The following SVEP1 variants were observed in gnomAD, a reference collection of about 807,000 sequenced individuals.
SVEP1 encodes sushi, von Willebrand factor type A, EGF and pentraxin domain containing 1, also known as sushi, von Willebrand factor type A, EGF and pentraxin domain-containing protein 1.
Under a neutral mutation model 367.3 loss-of-function variants are expected in SVEP1, and 164 were observed. The ratio of observed to expected loss-of-function variants is 0.45; its 90% CI spans 0.39 to 0.51. SVEP1 has a LOEUF of 0.51. Ranked by LOEUF, SVEP1 falls within the 20% of genes least tolerant of loss-of-function variation. The pLI, the probability that SVEP1 is intolerant of heterozygous loss-of-function variation, is 0.00. For missense variants in SVEP1, 4,117 were observed against 4,425.3 expected (o/e 0.93, Z 1.98); for synonymous variants, 1,666 against 1,611.6 (o/e 1.03, Z -0.81).
Position 110,375,392 on chromosome 9 carries a change from A to G in SVEP1, c.10576T>C (p.Trp3526Arg). 1 of 1,520,950 alleles carries G rather than the reference A, an allele frequency of 6.6e-7. No homozygotes were observed. Among genetic ancestry groups the G allele is most frequent in the Non-Finnish European group, 8.9e-7 (1 of 1,127,700 alleles). 94.2% of individuals were successfully genotyped at this position (1,520,950 alleles called of 1,614,324 possible). The change falls in exon 46 of 48, where the codon TGG (tryptophan) becomes CGG (arginine). Residue 3526 changes from tryptophan to arginine, a missense_variant. Trp to Arg is a moderately radical substitution (Grantham distance 101). Around this residue, in one of 4 missense-constraint regions of SVEP1, gnomAD observed 1,765 missense variants for 1,781.1 expected, o/e 0.99. Transcript: ENST00000374469. ...APYQCDCPPG[W>R]TGSRCHTAVC... ...CCTGTATGACAGCGAGACCCCGTCC[A>G]GCCAGGCGGGCAGTCACACTGGTAA... is the stretch of plus-strand genomic sequence containing the variant.
At chr9:110,499,890 A>G (rs1055911937) in intron 6 of SVEP1, among the ~76,000 whole-genome samples, 2 of 152,240 alleles carry the variant, frequency 1.3e-5, no homozygotes, top group Non-Finnish European at 2.9e-5. Flanking sequence ...TACTGGCAGC[A>G]TTACTCACAT....
chr9:110,502,732 T>C (rs1189067303), intron 6 of SVEP1, among the ~76,000 whole-genome samples: 1 of 152,126 alleles, frequency 6.6e-6, no homozygotes, highest in African/African-American at 2.4e-5. Context: ...TTATGAGGCA[T>C]TTGCATTTTA....
chr9:110,490,207 CA>C (rs1829346740), intron 8 of SVEP1, among the ~76,000 whole-genome samples: 1 of 152,018 alleles, frequency 6.6e-6, no homozygotes, highest in Non-Finnish European at 1.5e-5. Flanking sequence ...TTTACTGATG[CA>C]TAATAGATGT....
At chr9:110,410,215 A>G (rs1828025219) in intron 37 of SVEP1, among the ~76,000 whole-genome samples, 1 of 152,330 alleles carries the variant, frequency 6.6e-6, no homozygotes, top group African/African-American at 2.4e-5. Context: ...GGGTTTTAAA[A>G]AAGTGTTTAA....
chr9:110,505,933 A>G (rs1829620020), intron 5 of SVEP1, among the ~76,000 whole-genome samples: 1 of 151,866 alleles, frequency 6.6e-6, no homozygotes, highest in Non-Finnish European at 1.5e-5. Flanking sequence ...CCTGTCATCT[A>G]CATTAAGTAT....
chr9:110,390,569 A>G (rs1319357097), intron 40 of SVEP1, among the ~76,000 whole-genome samples: 1 of 151,532 alleles, frequency 6.6e-6, no homozygotes, highest in African/African-American at 2.4e-5. Flanking sequence ...TTTGGTTCAC[A>G]TGATCTTGGT....
In SVEP1 at chr9:110,388,953, A is replaced by G. The variant is rs559696589; in HGVS notation, c.9886+571T>C. Among the ~76,000 whole-genome samples the G allele has an allele frequency of 1.1e-4, 16 of 152,006 alleles. No individual in the cohort carries two copies. The South Asian group carries it at 3.3e-3, about 31-fold the overall frequency. On this transcript the variant is annotated intron_variant, in intron 41 of 47. Transcript: ENST00000374469. ...TACTGCACTCCACCCTGGGTGACAG[A>G]GTGAGACTCTATTTAAAAATAAAAA...
chr9:110,536,935 G>A (rs1171083356), intron 3 of SVEP1, among the ~76,000 whole-genome samples: 1 of 151,912 alleles, frequency 6.6e-6, no homozygotes, highest in African/African-American at 2.4e-5. Flanking sequence ...TCATTTAACA[G>A]TCCTAGTAAA....
At chr9:110,516,961 G>C (rs1829811895) in intron 3 of SVEP1, among the ~76,000 whole-genome samples, 1 of 152,200 alleles carries the variant, frequency 6.6e-6, no homozygotes, top group African/African-American at 2.4e-5. Flanking sequence ...TATAGGAAAG[G>C]AAATTAAGAT....
intron 32 of SVEP1, among the ~76,000 whole-genome samples, chr9:110,431,324 T>C (rs1296508147): frequency 6.6e-6 from 1 of 152,330 alleles, no homozygotes; most frequent in African/African-American, 2.4e-5. Flanking sequence ...TAATATTACA[T>C]GAAATAACTA....
chr9:110,516,116 T>C (rs1829799226), intron 3 of SVEP1, among the ~76,000 whole-genome samples: 1 of 150,622 alleles, frequency 6.6e-6, no homozygotes, highest in Non-Finnish European at 1.5e-5. Flanking sequence ...ATCATTATAA[T>C]ATACTAAATC....
chr9:110,501,911 CT>C (rs1463223976), intron 6 of SVEP1, among the ~76,000 whole-genome samples: 1 of 151,906 alleles, frequency 6.6e-6, no homozygotes, highest in African/African-American at 2.4e-5. Context: ...AGATTATTTT[CT>C]TTTTTCAGTG....
chr9:110,380,192 A>G (rs1016338760), intron 43 of SVEP1, among the ~76,000 whole-genome samples: 1 of 152,150 alleles, frequency 6.6e-6, no homozygotes, highest in African/African-American at 2.4e-5. Context: ...TTAAATAGAA[A>G]TTTTTATAAC....
intron 3 of SVEP1, among the ~76,000 whole-genome samples, chr9:110,543,434 C>T (rs1830178095): frequency 6.6e-6 from 1 of 152,154 alleles, no homozygotes; most frequent in African/African-American, 2.4e-5. Context: ...GCTCCAGTCC[C>T]CTCTACCGAT....
intron 41 of SVEP1, among the ~76,000 whole-genome samples, chr9:110,388,745 G>C (rs1325987786): frequency 2.0e-5 from 3 of 152,018 alleles, no homozygotes; most frequent in African/African-American, 7.2e-5. Flanking sequence ...GAGGAGCATG[G>C]ATTGCTTGAA....
chr9:110,497,551 C>G (rs1829469479), intron 7 of SVEP1, among the ~76,000 whole-genome samples: 1 of 152,110 alleles, frequency 6.6e-6, no homozygotes, highest in Admixed American at 6.5e-5. Flanking sequence ...TTTGAATGAA[C>G]TAAATTAAAA....
Position 110,406,557 on chromosome 9 carries a change from C to T in SVEP1, c.9043G>A (p.Gly3015Arg), listed in dbSNP as rs764249805. The change falls in exon 38 of 48, where the codon GGA becomes AGA. Residue 3015 changes from glycine to arginine, a missense_variant. By Grantham distance (125) the Gly-to-Arg change is moderately radical. This residue lies in a region of SVEP1 where 1,765 missense variants were observed against 1,781.1 expected (regional missense o/e 0.99). Coordinates refer to ENST00000374469, the MANE Select transcript of SVEP1 (RefSeq NM_153366.4). ...CRCSTPVIEY[G>R]TVNGTDFDCG... The stretch of plus-strand genomic sequence containing the variant: ...TCAAAATCTGTCCCATTGACAGTTC[C>T]ATATTCAATTACTGGTGTGGAACAT... 1.9e-6 allele frequency: 3 copies of T among 1,613,648 alleles called. No individual in the cohort carries two copies. Among genetic ancestry groups the T allele is most frequent in the East Asian group, 2.2e-5 (1 of 44,876 alleles).
At chr9:110,388,562 T>C (rs932575385) in intron 41 of SVEP1, among the ~76,000 whole-genome samples, 1 of 152,188 alleles carries the variant, frequency 6.6e-6, no homozygotes, top group Non-Finnish European at 1.5e-5. Context: ...AACTCAGAGT[T>C]GAGTCCCTGG....
In SVEP1 at chr9:110,432,612, G is replaced by A. The variant is rs1198650002; in HGVS notation, c.5083C>T (p.Pro1695Ser). Residue 1695 changes from proline to serine, a missense_variant, in exon 31 of 48, where the codon CCT becomes TCT. Transcript: ENST00000374469. ...CERISCGVPP[P>S]LENGFHSADD... ...GCTGAATGGAAGCCATTCTCCAAAG[G>A]AGGTGGCACCCCACAGCTAATGCCT... is the stretch of plus-strand genomic sequence containing the variant. 9 of 1,612,946 alleles carry A rather than the reference G, an allele frequency of 5.6e-6. No homozygotes were observed. In the South Asian group the frequency reaches 7.7e-5, roughly 14 times the overall value.
Sources: allele counts gnomAD v4.1 joint callset (sites outside exome capture counted in the v4.1 genomes callset), GRCh38; gene constraint gnomAD v4.1.1; regional missense constraint gnomAD v4.1.1; transcripts MANE v1.5; gene names NCBI Gene and HGNC (gene_info 2026-07-23, HGNC 2026-07-21).